Variants in IQGAP1 observed in about 807,000 individuals in gnomAD.
IQGAP1 encodes the protein IQ motif containing GTPase activating protein 1.
Under a neutral mutation model 215.6 loss-of-function variants are expected in IQGAP1, and 66 were observed. That is an observed-to-expected ratio of 0.31 (90% CI 0.25 to 0.38). IQGAP1 has a LOEUF of 0.38. Among genes scored for constraint, IQGAP1 ranks in the 10% least tolerant of loss-of-function variants. The pLI is 1.00. For synonymous variants in IQGAP1, 772 were observed against 728.7 expected (o/e 1.06, Z -0.96); for missense variants, 1,712 against 1,997.1 (o/e 0.86, Z 2.72).
intron 2 of IQGAP1, among the ~76,000 whole-genome samples, chr15:90,405,683 C>G (rs908739540): frequency 4.7e-5 from 7 of 150,534 alleles, no homozygotes; most frequent in African/African-American, 1.7e-4. Context: ...TCTGAGTCTC[C>G]AAGGCAAAGG....
intron 1 of IQGAP1, among the ~76,000 whole-genome samples, chr15:90,390,452 A>AT (rs1964619971): frequency 1.3e-5 from 2 of 152,364 alleles, no homozygotes; most frequent in East Asian, 3.9e-4. Context: ...GGGAAACAAT[A>AT]TTATCAGATC....
chr15:90,390,770 G>A lies in IQGAP1; in HGVS notation c.56-4G>A. On this transcript the variant is annotated splice_region_variant and splice_polypyrimidine_tract_variant and intron_variant, in intron 1 of 37. Coordinates refer to ENST00000268182, the MANE Select transcript of IQGAP1 (RefSeq NM_003870.4). ...GTGTTTACATTCTTTCTTTTATGTT[G>A]TAGCTGTCCTGGATAATGAAAGACT... 1 of 1,593,676 alleles carries A rather than the reference G, an allele frequency of 6.3e-7. No individual in the cohort carries two copies. Among genetic ancestry groups the A allele is most frequent in the Non-Finnish European group, 8.6e-7 (1 of 1,161,576 alleles).
rs746768995 is a variant in IQGAP1 at position 90,395,581 on chromosome 15, C to T, written c.155+4708C>T. ...GTGATCCGCCCGCCTTGGCCTCCCA[C>T]AGTGCTGGGATTACAGGCGTGAGCC... On this transcript the variant is annotated intron_variant, in intron 2 of 37. Transcript: ENST00000268182. Among the ~76,000 whole-genome samples, 3 of 152,280 alleles carry T rather than the reference C, an allele frequency of 2.0e-5. No homozygotes were observed. In the South Asian group the frequency reaches 6.2e-4, roughly 32 times the overall value.
intron 15 of IQGAP1, among the ~76,000 whole-genome samples, chr15:90,461,507 A>G (rs955428581): frequency 6.6e-6 from 1 of 152,218 alleles, no homozygotes. Flanking sequence ...AGACATGGAT[A>G]TCAGGGCTCC....
intron 2 of IQGAP1, among the ~76,000 whole-genome samples, chr15:90,416,840 G>A (rs958371388): frequency 9.2e-5 from 14 of 152,244 alleles, no homozygotes; most frequent in African/African-American, 3.4e-4. Flanking sequence ...GCCTCCCAAA[G>A]TGCTGGGATT....
At chr15:90,452,120 G>A (rs1965612245) in intron 11 of IQGAP1, among the ~76,000 whole-genome samples, 1 of 152,186 alleles carries the variant, frequency 6.6e-6, no homozygotes, top group African/African-American at 2.4e-5. Flanking sequence ...GAGCCACCGT[G>A]CCTGGCCAAG....
chr15:90,481,328 C>G (rs941733128), intron 26 of IQGAP1, among the ~76,000 whole-genome samples: 1 of 145,652 alleles, frequency 6.9e-6, no homozygotes, highest in African/African-American at 2.6e-5. Context: ...GTCCTCCCAC[C>G]TCAGCCTTCC....
intron 5 of IQGAP1, 133 bp downstream of exon 5, chr15:90,433,928 T>TC: frequency 2.0e-6 from 1 of 491,834 alleles, no homozygotes; most frequent in Non-Finnish European, 3.6e-6. Flanking sequence ...GATAAAATAC[T>TC]ATTATCCGAA....
At chr15:90,457,658 T>A (rs2151025694) in intron 15 of IQGAP1, among the ~76,000 whole-genome samples, 1 of 150,252 alleles carries the variant, frequency 6.7e-6, no homozygotes, top group South Asian at 2.1e-4. Flanking sequence ...GCCAGTTTGG[T>A]CTCGAACTCC....
At position 90,452,850 on chromosome 15, in the gene IQGAP1, A is replaced by G; in HGVS notation, c.1238A>G (p.Asn413Ser). Residue 413 changes from asparagine to serine, a missense_variant, in exon 12 of 38, where the codon AAT becomes AGT. Asn to Ser is a conservative substitution (Grantham distance 46). Coordinates refer to ENST00000268182, the MANE Select transcript of IQGAP1 (RefSeq NM_003870.4). ...GAGAAGACTGTTTTGGAACTGATGA[A>G]TCCCGAAGCCCAGCTGCCCCAGGTG... is the stretch of plus-strand genomic sequence containing the variant. The part of the protein sequence containing the change: ...VAEKTVLELM[N>S]PEAQLPQVYP... The G allele has an allele frequency of 6.2e-7, 1 of 1,614,150 alleles. No homozygotes were observed. Among genetic ancestry groups the G allele is most frequent in the African/African-American group, 1.3e-5 (1 of 75,042 alleles).
At chr15:90,419,609 G>A (rs1316830433) in intron 2 of IQGAP1, among the ~76,000 whole-genome samples, 3 of 152,164 alleles carry the variant, frequency 2.0e-5, no homozygotes. Flanking sequence ...AAAAATATAA[G>A]AGTTTTGTTA....
intron 9 of IQGAP1, among the ~76,000 whole-genome samples, chr15:90,444,195 T>C (rs2151020436): frequency 6.6e-6 from 1 of 151,484 alleles, no homozygotes; most frequent in South Asian, 2.1e-4. Context: ...GAAATAATCA[T>C]CACTTAGGAA....
In IQGAP1 at chr15:90,491,320, T is replaced by C. The variant is rs777264337; in HGVS notation, c.4249-13T>C. ...TGGTAAACTTGCTAAGAACTTCTTTTTCCCATCCGTAGGAAGCAGAACATC... is the reference window on the plus strand; with the variant it reads ...TGGTAAACTTGCTAAGAACTTCTTTCTCCCATCCGTAGGAAGCAGAACATC... On this transcript the variant is annotated splice_polypyrimidine_tract_variant and intron_variant, in intron 33 of 37. Transcript: ENST00000268182. 2 of 1,611,474 alleles carry C rather than the reference T, an allele frequency of 1.2e-6. No individual in the cohort carries two copies. Among genetic ancestry groups the C allele is most frequent in the Non-Finnish European group, 1.7e-6 (2 of 1,178,238 alleles).
intron 8 of IQGAP1, among the ~76,000 whole-genome samples, chr15:90,442,932 A>G (rs952010088): frequency 2.6e-5 from 4 of 151,932 alleles, no homozygotes; most frequent in Non-Finnish European, 5.9e-5. Context: ...AGATGGTGCC[A>G]TTGCACTGCA....
chr15:90,443,144 A>C (rs1006193386), intron 8 of IQGAP1, among the ~76,000 whole-genome samples: 1 of 152,264 alleles, frequency 6.6e-6, no homozygotes, highest in South Asian at 2.1e-4. Flanking sequence ...AGTTTTTTGT[A>C]GAGATGGGGT....
intron 15 of IQGAP1, 68 bp from the exon 16 acceptor site, chr15:90,465,933 T>G: frequency 8.3e-7 from 1 of 1,209,320 alleles, no homozygotes. Flanking sequence ...GGAAGCCCCC[T>G]TCTTCACATG....
chr15:90,418,356 G>A (rs113833051), intron 2 of IQGAP1, among the ~76,000 whole-genome samples: 5,089 of 152,242 alleles, frequency 0.033, 250 homozygotes, highest in African/African-American at 0.11. Flanking sequence ...GGAGGCTGAG[G>A]TGGAAGGATC....
In IQGAP1 at chr15:90,500,011, A is replaced by C; in HGVS notation, c.4877A>C (p.Gln1626Pro). ...TGTTAATAGGACCTGCTGCAGCTAC[A>C]GTATGAAGGAGTTGCAGTCATGAAA... ...MLHYQDLLQL[Q>P]YEGVAVMKLF... Residue 1626 changes from glutamine to proline, a missense_variant, in exon 38 of 38, where the codon CAG (glutamine) becomes CCG (proline). By Grantham distance (76) the Gln-to-Pro change is moderately conservative. Transcript: ENST00000268182. The C allele has an allele frequency of 6.3e-7, 1 of 1,599,018 alleles. No individual in the cohort carries two copies. The highest frequency in any genetic ancestry group is 8.6e-7 in the Non-Finnish European group (1 of 1,166,262).
rs1191166174 is a variant in IQGAP1 at position 90,492,695 on chromosome 15, T to C, written c.4612T>C (p.Leu1538=). ...KSYIKTCLDN[L]ASKGKVSKKP... The stretch of plus-strand genomic sequence containing the variant: ...CTATATCAAAACCTGCTTGGATAAC[T>C]TAGCCAGCAAGGGCAAGTGAGTATT... Residue 1538 remains leucine, a synonymous_variant, in exon 35 of 38, where the codon TTA becomes CTA. Coordinates refer to ENST00000268182, the MANE Select transcript of IQGAP1 (RefSeq NM_003870.4). 19 of 1,610,266 alleles carry C rather than the reference T, an allele frequency of 1.2e-5. 1 individual carries two copies. Among genetic ancestry groups the C allele is most frequent in the Non-Finnish European group, 1.5e-5 (18 of 1,178,992 alleles).
Sources: allele counts gnomAD v4.1 joint callset (sites outside exome capture counted in the v4.1 genomes callset), GRCh38; gene constraint gnomAD v4.1.1; transcripts MANE v1.5; gene names NCBI Gene and HGNC (gene_info 2026-07-23, HGNC 2026-07-21).